Variants in AKAP13 observed in about 807,000 individuals in gnomAD.
AKAP13 encodes A-kinase anchoring protein 13, also known as A-kinase anchor protein 13.
AKAP13 carries 80 observed loss-of-function variants against 264.5 expected under a neutral mutation model. That is an observed-to-expected ratio of 0.30 (90% CI 0.25 to 0.36). The LOEUF (loss-of-function observed/expected upper bound fraction) is 0.36, where lower values mean the gene tolerates loss of function less well. Ranked by LOEUF, AKAP13 falls within the 10% of genes least tolerant of loss-of-function variation. AKAP13 has a pLI of 1.00. For missense variants in AKAP13, 3,712 were observed against 3,435.2 expected (o/e 1.08, Z -2.01); for synonymous variants, 1,380 against 1,250.2 (o/e 1.10, Z -2.19).
chr15:85,694,409 G>A (rs1195190078), intron 17 of AKAP13, among the ~76,000 whole-genome samples: 1 of 152,238 alleles, frequency 6.6e-6, no homozygotes, highest in Non-Finnish European at 1.5e-5. Context: ...TGCAGTTGCA[G>A]TGCAAAAGCA....
chr15:85,580,653 A>G lies in AKAP13; in HGVS notation c.2585A>G (p.Asn862Ser). Residue 862 changes from asparagine to serine, a missense_variant, in exon 7 of 37, where the codon AAT (asparagine) becomes AGT (serine). Coordinates refer to ENST00000394518, the MANE Select transcript of AKAP13 (RefSeq NM_007200.5). Reference protein sequence around the residue: ...TAAELQHGMGNTSLTGLGGEH... With the variant: ...TAAELQHGMGSTSLTGLGGEH... ...GCAGAGCTTCAGCACGGGATGGGGA[A>G]TACCAGTCTCACAGGACTTGGTGGA... The G allele has an allele frequency of 1.2e-6, 2 of 1,614,228 alleles. No individual in the cohort carries two copies. The highest frequency in any genetic ancestry group is 1.7e-6 in the Non-Finnish European group (2 of 1,180,034).
chr15:85,475,334 G>A (rs765446627), intron 1 of AKAP13, among the ~76,000 whole-genome samples: 9 of 152,102 alleles, frequency 5.9e-5, no homozygotes, highest in African/African-American at 1.2e-4. Flanking sequence ...TATGGTTCCC[G>A]TTTCCTTTGG....
intron 3 of AKAP13, among the ~76,000 whole-genome samples, chr15:85,523,847 C>T (rs2076922447): frequency 7.2e-6 from 1 of 138,872 alleles, no homozygotes; most frequent in African/African-American, 2.6e-5. Flanking sequence ...TCAAAAGAGT[C>T]TCTGGCTTCT....
intron 5 of AKAP13, among the ~76,000 whole-genome samples, chr15:85,561,159 G>C (rs1268044434): frequency 4.0e-5 from 6 of 150,892 alleles, no homozygotes; most frequent in Non-Finnish European, 7.4e-5. Flanking sequence ...CCAGGTTCAA[G>C]TGATTCTCCT....
chr15:85,662,300 A>G (rs2083390528), intron 12 of AKAP13: 9 of 1,338,108 alleles, frequency 6.7e-6, no homozygotes, highest in East Asian at 2.3e-5. Flanking sequence ...GTCTCTAACT[A>G]TGCCCTTCGT....
In AKAP13 at chr15:85,722,221, C is replaced by G; in HGVS notation, c.6379-9C>G. 6.2e-7 allele frequency: 1 copy of G among 1,612,062 alleles called. No homozygotes were observed. The highest frequency in any genetic ancestry group is 8.5e-7 in the Non-Finnish European group (1 of 1,178,920). On this transcript the variant is annotated splice_polypyrimidine_tract_variant and intron_variant, in intron 24 of 36. Transcript: ENST00000394518. Reference sequence around the variant, plus strand: ...TGTGATTCCTCACAGTCTGTTTACTCCCTTGCAGAAGAAGATGAGCAGTTC... The same window carrying G: ...TGTGATTCCTCACAGTCTGTTTACTGCCTTGCAGAAGAAGATGAGCAGTTC...
intron 33 of AKAP13, among the ~76,000 whole-genome samples, chr15:85,736,912 CTTTTTTTT>C (rs11407996): frequency 7.1e-5 from 7 of 98,044 alleles, no homozygotes; most frequent in Non-Finnish European, 9.3e-5. Context: ...ATATCATCAT[CTTTTTTTT>C]TTTTTTTTTT....
chr15:85,642,117 T>A (rs2151480178), intron 9 of AKAP13, among the ~76,000 whole-genome samples: 1 of 152,356 alleles, frequency 6.6e-6, no homozygotes, highest in Non-Finnish European at 1.5e-5. Context: ...GGATACTTAC[T>A]GAATCATACA....
At chr15:85,468,779 C>G (rs1356239495) in intron 1 of AKAP13, among the ~76,000 whole-genome samples, 1 of 151,846 alleles carries the variant, frequency 6.6e-6, no homozygotes, top group African/African-American at 2.4e-5. Flanking sequence ...CCCATTTCAC[C>G]CTTCATGCTT....
chr15:85,633,552 T>C (rs1013449197), intron 8 of AKAP13, among the ~76,000 whole-genome samples: 8 of 140,492 alleles, frequency 5.7e-5, no homozygotes, highest in African/African-American at 1.6e-4. Flanking sequence ...TTTTTTTTTT[T>C]TTTTTTTTTG....
intron 12 of AKAP13, chr15:85,662,513 C>T: frequency 6.2e-7 from 1 of 1,602,112 alleles, no homozygotes; most frequent in Non-Finnish European, 8.6e-7. Context: ...GCCATCAGGG[C>T]TTTTGGCTTG....
chr15:85,514,776 T>C (rs1337443845), intron 2 of AKAP13, among the ~76,000 whole-genome samples: 2 of 137,394 alleles, frequency 1.5e-5, no homozygotes, highest in East Asian at 4.1e-4. Flanking sequence ...ATCAATTGTA[T>C]GTTTAAAGGA....
rs1457417503 is a variant in AKAP13 at position 85,447,425 on chromosome 15, A to AT, written c.-11-38284dup. Among the ~76,000 whole-genome samples the AT allele has an allele frequency of 8.5e-5, 13 of 152,286 alleles. No individual in the cohort carries two copies. The East Asian group carries it at 2.3e-3, about 27-fold the overall frequency. On this transcript the variant is annotated intron_variant, in intron 1 of 36. Transcript: ENST00000394518. Reference sequence around the variant, plus strand: ...ATACATGTTAAGGTTTGCTACACAGATAAACACATGTCACGGGTGTTTGTT... The same window carrying AT: ...ATACATGTTAAGGTTTGCTACACAGATTAAACACATGTCACGGGTGTTTGTT...
intron 30 of AKAP13, among the ~76,000 whole-genome samples, chr15:85,731,481 A>ACT (rs1022537755): frequency 3.9e-5 from 6 of 152,006 alleles, no homozygotes; most frequent in Non-Finnish European, 5.9e-5. Context: ...TGACTTAGAG[A>ACT]GTTTCCCACA....
chr15:85,650,755 C>A (rs79086836), intron 10 of AKAP13, among the ~76,000 whole-genome samples: 1 of 32,610 alleles, frequency 3.1e-5, no homozygotes, highest in Non-Finnish European at 6.2e-5. Flanking sequence ...GACTCCATCT[C>A]AAAAAAAAAA....
intron 1 of AKAP13, among the ~76,000 whole-genome samples, chr15:85,391,909 C>T (rs879478526): frequency 2.6e-5 from 4 of 151,228 alleles, no homozygotes; most frequent in Admixed American, 6.6e-5. Context: ...CTCAGCCTCC[C>T]GAGTAGCTGG....
intron 1 of AKAP13, among the ~76,000 whole-genome samples, chr15:85,452,458 A>G (rs2074125987): frequency 6.6e-6 from 1 of 152,160 alleles, no homozygotes; most frequent in South Asian, 2.1e-4. Flanking sequence ...CATTTGAGTT[A>G]CTAGAGTTCT....
At chr15:85,525,683 C>G (rs1349809918) in intron 3 of AKAP13, among the ~76,000 whole-genome samples, 1 of 152,132 alleles carries the variant, frequency 6.6e-6, no homozygotes, top group Non-Finnish European at 1.5e-5. Context: ...AAATACAACC[C>G]TAAATGACAT....
intron 2 of AKAP13, among the ~76,000 whole-genome samples, chr15:85,497,709 ATAGC>A (rs967924883): frequency 3.3e-5 from 5 of 152,226 alleles, no homozygotes; most frequent in African/African-American, 9.6e-5. Flanking sequence ...GTTGCTACAC[ATAGC>A]TAGTGGCTAC....
Sources: allele counts gnomAD v4.1 joint callset (sites outside exome capture counted in the v4.1 genomes callset), GRCh38; gene constraint gnomAD v4.1.1; transcripts MANE v1.5; gene names NCBI Gene and HGNC (gene_info 2026-07-23, HGNC 2026-07-21).